The following SPOCK3 variants were observed in gnomAD, a reference collection of about 807,000 sequenced individuals.
The protein encoded by SPOCK3 is SPARC (osteonectin), cwcv and kazal like domains proteoglycan 3.
SPOCK3 carries 30 observed loss-of-function variants against 56.6 expected under a neutral mutation model. The ratio of observed to expected loss-of-function variants is 0.53; its 90% CI spans 0.40 to 0.72. SPOCK3 has a LOEUF of 0.72. Among genes scored for constraint, SPOCK3 ranks in the 30% least tolerant of loss-of-function variants. The pLI is 0.00. For missense variants in SPOCK3, 527 were observed against 530.0 expected, an observed-to-expected ratio of 0.99 and a Z score of 0.06; for synonymous variants, 196 against 183.3, an observed-to-expected ratio of 1.07 and a Z score of -0.56.
At chr4:167,161,619 A>C (rs1331943687) in intron 2 of SPOCK3, among the ~76,000 whole-genome samples, 1 of 152,194 alleles carries the variant, frequency 6.6e-6, no homozygotes, top group East Asian at 1.9e-4. Flanking sequence ...TATTCACAAT[A>C]GCAAAGACTT....
intron 2 of SPOCK3, among the ~76,000 whole-genome samples, chr4:167,194,088 C>G (rs1254616604): frequency 6.6e-6 from 1 of 151,102 alleles, no homozygotes; most frequent in African/African-American, 2.4e-5. Context: ...TTTCTTCACT[C>G]TTTTTCATTT....
At chr4:166,906,100 C>A (rs1014158940) in intron 5 of SPOCK3, among the ~76,000 whole-genome samples, 1 of 151,860 alleles carries the variant, frequency 6.6e-6, no homozygotes, top group African/African-American at 2.4e-5. Flanking sequence ...AGGGTAAACA[C>A]CAAAGCAATA....
chr4:166,813,401 C>A (rs1057108826), intron 6 of SPOCK3, among the ~76,000 whole-genome samples: 4 of 151,864 alleles, frequency 2.6e-5, no homozygotes, highest in Admixed American at 6.6e-5. Flanking sequence ...GAAGTGACAT[C>A]CATGCATCAC....
chr4:166,962,399 C>T (rs145475657), intron 4 of SPOCK3, among the ~76,000 whole-genome samples: 1,940 of 152,144 alleles, frequency 0.013, 20 homozygotes, highest in Non-Finnish European at 0.019. Flanking sequence ...CTTGTAGAAA[C>T]GACACTTCTC....
intron 6 of SPOCK3, among the ~76,000 whole-genome samples, chr4:166,850,896 T>A (rs370876077): frequency 1.3e-5 from 2 of 151,362 alleles, no homozygotes; most frequent in Non-Finnish European, 1.5e-5. Context: ...GGGGGAGGGG[T>A]GCCCACCATT....
chr4:166,769,678 A>G (rs1738662435), intron 7 of SPOCK3, among the ~76,000 whole-genome samples: 1 of 152,102 alleles, frequency 6.6e-6, no homozygotes, highest in Non-Finnish European at 1.5e-5. Context: ...TCAGATCTCA[A>G]ACTCTGTGCT....
intron 6 of SPOCK3, among the ~76,000 whole-genome samples, chr4:166,802,969 G>T (rs944771324): frequency 6.6e-6 from 1 of 152,122 alleles, no homozygotes; most frequent in Admixed American, 6.5e-5. Flanking sequence ...ATTTGGAGTA[G>T]AGTCTGCGGT....
chr4:167,213,709 C>G (rs951025107), intron 2 of SPOCK3, among the ~76,000 whole-genome samples: 2 of 150,278 alleles, frequency 1.3e-5, no homozygotes, highest in African/African-American at 5.0e-5. Flanking sequence ...ATCAAGGCTT[C>G]AATATAAATA....
intron 6 of SPOCK3, among the ~76,000 whole-genome samples, chr4:166,834,369 A>G (rs1292282364): frequency 1.3e-5 from 2 of 152,186 alleles, no homozygotes; most frequent in Admixed American, 6.5e-5. Flanking sequence ...CCTGTGGCCT[A>G]TCTTCATTGG....
rs1044523239 is a variant in SPOCK3, at chr4:166,880,620, G to A, written c.589+8510C>T. 5.9e-5 allele frequency among the ~76,000 whole-genome samples: 9 copies of A among 152,134 alleles called. No homozygotes were observed. The South Asian group carries it at 6.2e-4, about 11-fold the overall frequency. On this transcript the variant is annotated intron_variant, in intron 6 of 10. Coordinates refer to ENST00000357545, the MANE Select transcript of SPOCK3 (RefSeq NM_001040159.2). ...TTGAACTTAACAACTTTCCCATGTC[G>A]TTTGATTCTCTAACAATTTTTCCAT...
At chr4:166,769,517 C>T (rs1222852500) in intron 7 of SPOCK3, among the ~76,000 whole-genome samples, 1 of 152,150 alleles carries the variant, frequency 6.6e-6, no homozygotes, top group Non-Finnish European at 1.5e-5. Flanking sequence ...TGCTGAACAG[C>T]AAATGTTCCT....
At chr4:167,206,039 C>A (rs1734294459) in intron 2 of SPOCK3, among the ~76,000 whole-genome samples, 3 of 151,892 alleles carry the variant, frequency 2.0e-5, no homozygotes, top group Admixed American at 1.3e-4. Flanking sequence ...CTATTACATT[C>A]CTATAATTTT....
chr4:167,010,290 G>C (rs983955089), intron 3 of SPOCK3, among the ~76,000 whole-genome samples: 5 of 152,010 alleles, frequency 3.3e-5, no homozygotes, highest in African/African-American at 1.2e-4. Context: ...GGAGGCTGAG[G>C]TGGGCAGATC....
intron 6 of SPOCK3, among the ~76,000 whole-genome samples, chr4:166,841,842 G>A (rs554152298): frequency 6.6e-6 from 1 of 152,126 alleles, no homozygotes; most frequent in African/African-American, 2.4e-5. Flanking sequence ...GTCTAAAATC[G>A]TTGGGTTCTT....
At chr4:166,778,768 G>A (rs1470976478) in intron 7 of SPOCK3, among the ~76,000 whole-genome samples, 1 of 151,770 alleles carries the variant, frequency 6.6e-6, no homozygotes, top group Non-Finnish European at 1.5e-5. Context: ...AGTTAATAGA[G>A]TAGGCAGATT....
chr4:166,888,388 A>G (rs1451830219), intron 6 of SPOCK3, among the ~76,000 whole-genome samples: 1 of 152,040 alleles, frequency 6.6e-6, no homozygotes, highest in Admixed American at 6.6e-5. Flanking sequence ...GCTGTAAAAT[A>G]TTTTTTGACT....
chr4:167,209,450 A>G (rs1374120121), intron 2 of SPOCK3, among the ~76,000 whole-genome samples: 1 of 152,134 alleles, frequency 6.6e-6, no homozygotes, highest in Non-Finnish European at 1.5e-5. Flanking sequence ...AACACTGAAG[A>G]ATTTTTCAAT....
chr4:167,033,190 T>G (rs1355029304), intron 3 of SPOCK3, among the ~76,000 whole-genome samples: 1 of 151,880 alleles, frequency 6.6e-6, no homozygotes, highest in East Asian at 1.9e-4. Flanking sequence ...ATTATATGAC[T>G]TCTTTAAACT....
chr4:167,162,270 G>A (rs1447467195), intron 2 of SPOCK3, among the ~76,000 whole-genome samples: 1 of 152,008 alleles, frequency 6.6e-6, no homozygotes, highest in East Asian at 1.9e-4. Context: ...AAATCTGTGT[G>A]CATTACTTTG....
Sources: gnomAD v4.1 joint callset for allele counts (sites outside exome capture counted in the v4.1 genomes callset) on GRCh38, gnomAD v4.1.1 for gene constraint, MANE v1.5 for transcripts, NCBI Gene and HGNC (gene_info 2026-07-23, HGNC 2026-07-21) for gene names.